AHNAK: variants seen among roughly 807,000 people sequenced by gnomAD.
AHNAK encodes AHNAK nucleoprotein.
Under a neutral mutation model 37.8 loss-of-function variants are expected in AHNAK, and 23 were observed. The ratio of observed to expected loss-of-function variants is 0.61; its 90% CI spans 0.44 to 0.86. AHNAK has a LOEUF of 0.86. Among genes scored for constraint, AHNAK ranks in the 40% least tolerant of loss-of-function variants. The pLI, the probability that AHNAK is intolerant of heterozygous loss-of-function variation, is 0.00. For missense variants in AHNAK, 7,411 were observed against 7,319.4 expected, an observed-to-expected ratio of 1.01 and a Z score of -0.46; for synonymous variants, 2,481 against 2,636.3, an observed-to-expected ratio of 0.94 and a Z score of 1.80.
chr11:62,518,666 C>G lies in AHNAK; in HGVS notation c.15751G>C (p.Gly5251Arg). 4 of 1,614,194 alleles carry G rather than the reference C, an allele frequency of 2.5e-6. No homozygotes were observed. Among genetic ancestry groups the G allele is most frequent in the Non-Finnish European group, 3.4e-6 (4 of 1,180,030 alleles). The change falls in exon 5 of 5, where the codon GGG becomes CGG. Residue 5251 changes from glycine to arginine, a missense_variant. Gly to Arg is a moderately radical substitution (Grantham distance 125). Transcript: ENST00000378024. ...IGIPGVKMEG[G>R]GAEVHAQLPS... ...AGCTGGGCATGGACCTCGGCTCCCC[C>G]ACCCTCCATTTTCACACCTGGGATG... is the stretch of plus-strand genomic sequence containing the variant.
chr11:62,481,817 G>A (rs1404942134), intron 5 of AHNAK, among the ~76,000 whole-genome samples: 12 of 151,946 alleles, frequency 7.9e-5, no homozygotes, highest in African/African-American at 2.7e-4. Flanking sequence ...GACCCACCTC[G>A]GCCTCCCAAA....
At chr11:62,455,215 G>A (rs1775145565) in intron 5 of AHNAK, among the ~76,000 whole-genome samples, 1 of 151,624 alleles carries the variant, frequency 6.6e-6, no homozygotes, top group South Asian at 2.1e-4. Context: ...TTACAGGCAT[G>A]AGCCACCGCA....
At chr11:62,488,401 GC>G (rs1032096132) in intron 5 of AHNAK, among the ~76,000 whole-genome samples, 2 of 143,272 alleles carry the variant, frequency 1.4e-5, no homozygotes, top group African/African-American at 5.9e-5. Flanking sequence ...CATCTGTCTA[GC>G]TTTTTTTTTT....
chr11:62,436,893 C>G (rs1177801021), intron 5 of AHNAK, among the ~76,000 whole-genome samples: 1 of 151,472 alleles, frequency 6.6e-6, no homozygotes, highest in Non-Finnish European at 1.5e-5. Context: ...GAGCCAAGAT[C>G]GCGCCACTGC....
chr11:62,539,378 C>A (rs1028647935), intron 1 of AHNAK, among the ~76,000 whole-genome samples: 1 of 152,240 alleles, frequency 6.6e-6, no homozygotes, highest in African/African-American at 2.4e-5. Flanking sequence ...TGGTGCTGTG[C>A]CAGCAGCCAG....
In AHNAK at chr11:62,529,979, T is replaced by A; in HGVS notation, c.4438A>T (p.Ile1480Leu). Residue 1480 changes from isoleucine to leucine, a missense_variant, in exon 5 of 5, where the codon ATA becomes TTA. Transcript: ENST00000378024. ...TTGATGTCAACATCAGGAGCTTTTA[T>A]CTCTCCTTCTACTTTTGGAACTGTT... ...DVTVPKVEGE[I>L]KAPDVDIKGP... 1.2e-6 allele frequency: 2 copies of A among 1,613,772 alleles called. No individual in the cohort carries two copies. Among genetic ancestry groups the A allele is most frequent in the South Asian group, 2.2e-5 (2 of 91,058 alleles).
Position 62,524,856 on chromosome 11 carries a change from G to A in AHNAK, c.9561C>T (p.Asp3187=), listed in dbSNP as rs755094537. The A allele has an allele frequency of 1.2e-5, 19 of 1,613,914 alleles. No individual in the cohort carries two copies. The highest frequency in any genetic ancestry group is 4.5e-5 in the East Asian group (2 of 44,878). Residue 3187 remains aspartate (D), a synonymous_variant, in exon 5 of 5, where the codon GAC becomes GAT. Transcript: ENST00000378024. The stretch of plus-strand genomic sequence containing the variant: ...CAATATTCACATCTGGAACATCAAC[G>A]TCCACCTTGGGTCCTGAGACGTCAA... ...ADLDVSGPKV[D]VDVPDVNIEG...
intron 5 of AHNAK, among the ~76,000 whole-genome samples, chr11:62,446,313 C>T (rs1320791424): frequency 6.6e-6 from 1 of 152,120 alleles, no homozygotes; most frequent in African/African-American, 2.4e-5. Flanking sequence ...AGGGCTCTCC[C>T]CCTCCACCTG....
At chr11:62,446,931 A>T (rs1938432258) in intron 5 of AHNAK, among the ~76,000 whole-genome samples, 1 of 151,710 alleles carries the variant, frequency 6.6e-6, no homozygotes, top group South Asian at 2.1e-4. Context: ...TGATGGTGCC[A>T]CCTCTCCTCT....
In AHNAK at chr11:62,530,337, T is replaced by G; in HGVS notation, c.4080A>C (p.Lys1360Asn). 6.2e-7 allele frequency: 1 copy of G among 1,613,874 alleles called. No homozygotes were observed. Among genetic ancestry groups the G allele is most frequent in the Non-Finnish European group, 8.5e-7 (1 of 1,179,976 alleles). The change falls in exon 5 of 5, where the codon AAA becomes AAC. Residue 1360 changes from lysine to asparagine, a missense_variant. Transcript: ENST00000378024. ...GAGCACTAATGTCAACTTTGGGCCCTTTAATGTCAACATCTGGCACTTTCA... is the reference window on the plus strand; with the variant it reads ...GAGCACTAATGTCAACTTTGGGCCCGTTAATGTCAACATCTGGCACTTTCA... ...GEMKVPDVDI[K>N]GPKVDISAPD...
At chr11:62,450,843 T>C (rs1404532348) in intron 5 of AHNAK, among the ~76,000 whole-genome samples, 1 of 152,270 alleles carries the variant, frequency 6.6e-6, no homozygotes, top group Non-Finnish European at 1.5e-5. Context: ...TAGGTGCTGA[T>C]GGCAGAAATA....
In AHNAK at chr11:62,529,861, C is replaced by T. The variant is rs1467927373; in HGVS notation, c.4556G>A (p.Ser1519Asn). ...GCCCTCTCCTTTAAAGCCAGGCATG[C>T]TGAACTTGGGCATTTTTACCTTGGG... The part of the protein sequence containing the change: ...KMPKVKMPKF[S>N]MPGFKGEGPE... Residue 1519 changes from serine (S) to asparagine (N), a missense_variant, in exon 5 of 5, where the codon AGC (serine) becomes AAC (asparagine). Physicochemically the swap from Ser to Asn is conservative, Grantham distance 46. Transcript: ENST00000378024. The T allele has an allele frequency of 1.9e-6, 3 of 1,614,004 alleles. No individual in the cohort carries two copies. The highest frequency in any genetic ancestry group is 1.7e-5 in the Admixed American group (1 of 59,988).
chr11:62,523,835 C>A lies in AHNAK; in HGVS notation c.10582G>T (p.Gly3528Cys), dbSNP rs145998268. The A allele has an allele frequency of 6.2e-7, 1 of 1,614,146 alleles. No homozygotes were observed. The highest frequency in any genetic ancestry group is 8.5e-7 in the Non-Finnish European group (1 of 1,180,012). Residue 3528 changes from glycine (G) to cysteine (C), a missense_variant, in exon 5 of 5, where the codon GGT becomes TGT. Coordinates refer to ENST00000378024, the MANE Select transcript of AHNAK (RefSeq NM_001620.3). Reference sequence around the variant, plus strand: ...ATGTCAGGCATCTTGAATTTGGGACCTTTCAAGCCTCCCTCCGGACCTTCC... The same window carrying A: ...ATGTCAGGCATCTTGAATTTGGGACATTTCAAGCCTCCCTCCGGACCTTCC... ...NVEGPEGGLK[G>C]PKFKMPDMNI...
chr11:62,438,797 TC>T (rs1160447722), intron 5 of AHNAK, among the ~76,000 whole-genome samples: 3 of 152,202 alleles, frequency 2.0e-5, no homozygotes, highest in African/African-American at 7.2e-5. Flanking sequence ...TTATGTGGTA[TC>T]TTCCTCTGGC....
Position 62,523,371 on chromosome 11 carries a change from T to G in AHNAK, c.11046A>C (p.Gly3682=), listed in dbSNP as rs753055902. 13 of 1,612,426 alleles carry G rather than the reference T, an allele frequency of 8.1e-6. No homozygotes were observed. The East Asian group carries it at 8.9e-5, about 11-fold the overall frequency. Residue 3682 remains glycine, a synonymous_variant, in exon 5 of 5, where the codon GGA becomes GGC. Transcript: ENST00000378024. ...CAACCACATCACCCTTCATTTTGGG[T>G]CCCTTCAAGTTCAGGTCAAAGTCAG... The part of the protein sequence containing the change: ...SMPDFDLNLK[G]PKMKGDVVVS...
chr11:62,491,768 G>C lies in AHNAK; in HGVS notation c.406C>G (p.Gln136Glu). The stretch of plus-strand genomic sequence containing the variant: ...GTGGAGACTGAAACTGCCCCGGCTT[G>C]GCTGCTGGCTTCCTTCTGTTTGTTC... Residue 136 changes from glutamine to glutamate, a missense_variant, in exon 5 of 6, where the codon CAA becomes GAA. Gln to Glu is a conservative substitution (Grantham distance 29). Transcript: ENST00000257247. 5 of 1,612,934 alleles carry C rather than the reference G, an allele frequency of 3.1e-6. No individual in the cohort carries two copies. In the South Asian group the frequency reaches 5.5e-5, roughly 18 times the overall value.
rs758105659 is a variant in AHNAK, at chr11:62,530,550, C to G, written c.3867G>C (p.Lys1289Asn). 3.7e-6 allele frequency: 6 copies of G among 1,606,882 alleles called. No individual in the cohort carries two copies. Among genetic ancestry groups the G allele is most frequent in the Non-Finnish European group, 5.1e-6 (6 of 1,177,804 alleles). The change falls in exon 5 of 5, where the codon AAG becomes AAC. Residue 1289 changes from lysine to asparagine, a missense_variant. Physicochemically the swap from Lys to Asn is moderately conservative, Grantham distance 94. Transcript: ENST00000378024. Reference sequence around the variant, plus strand: ...TCACATCTGGGACTTCAACATCCACCTTGGGTCCTGAGACATCAATGTCAG... The same window carrying G: ...TCACATCTGGGACTTCAACATCCACGTTGGGTCCTGAGACATCAATGTCAG... ...PKADIDVSGP[K>N]VDVEVPDVSL...
chr11:62,443,003 G>A (rs1270899299), intron 5 of AHNAK, among the ~76,000 whole-genome samples: 5 of 151,276 alleles, frequency 3.3e-5, no homozygotes, highest in African/African-American at 7.3e-5. Context: ...ACAGAGTCTC[G>A]CTCTGTCACC....
At chr11:62,474,215 C>T (rs376589486) in intron 5 of AHNAK, among the ~76,000 whole-genome samples, 23 of 149,238 alleles carry the variant, frequency 1.5e-4, no homozygotes, top group Admixed American at 4.7e-4. Flanking sequence ...AACAGAGTCT[C>T]GCTCTGTTGC....
Sources: gnomAD v4.1 joint callset for allele counts (sites outside exome capture counted in the v4.1 genomes callset) on GRCh38, gnomAD v4.1.1 for gene constraint, MANE v1.5 for transcripts, NCBI Gene and HGNC (gene_info 2026-07-23, HGNC 2026-07-21) for gene names.